Variants in CD2AP observed in about 807,000 individuals in gnomAD.
CD2AP encodes the protein CD2-associated protein.
In CD2AP, 46 loss-of-function variants were observed where a neutral mutation model predicts 85.1. That is an observed-to-expected ratio of 0.54 (90% confidence interval 0.43 to 0.69). The LOEUF (loss-of-function observed/expected upper bound fraction) is 0.69. CD2AP is among the 30% of genes least tolerant of loss of function. The pLI is 0.00. For synonymous variants in CD2AP, 255 were observed against 252.9 expected (o/e 1.01, Z -0.08); for missense variants, 769 against 729.5 (o/e 1.05, Z -0.62).
intron 14 of CD2AP, 98 bp downstream of exon 14, chr6:47,606,375 A>G (rs1769273588): frequency 2.6e-6 from 2 of 763,564 alleles, no homozygotes; most frequent in South Asian, 2.8e-5. Flanking sequence ...TTTGAAAATC[A>G]GGAGGATAGC....
chr6:47,508,534 C>CTTTTTTTTTTTTTTTTTT (rs374284567), intron 2 of CD2AP, among the ~76,000 whole-genome samples: 1 of 129,406 alleles, frequency 7.7e-6, no homozygotes, highest in Non-Finnish European at 1.6e-5. Flanking sequence ...TTCTTTCTTT[C>CTTTTTTTTTTTTTTTTTT]TTTTTTTTTT....
chr6:47,605,943 C>T lies in CD2AP; in HGVS notation c.1418-222C>T, dbSNP rs10223830. Reference sequence around the variant, plus strand: ...ACAACCTTTATAGTGTTAATAAAGTCATATACTAATATAAATGTATCAGGT... The same window carrying T: ...ACAACCTTTATAGTGTTAATAAAGTTATATACTAATATAAATGTATCAGGT... On this transcript the variant is annotated intron_variant, in intron 13 of 17. Coordinates refer to ENST00000359314, the MANE Select transcript of CD2AP (RefSeq NM_012120.3). Among the ~76,000 whole-genome samples the T allele has an allele frequency of 0.03, 4,507 of 151,580 alleles. 209 individuals carry two copies. Among genetic ancestry groups the T allele is most frequent in the African/African-American group, 0.095 (3,939 of 41,418 alleles).
At chr6:47,622,480 C>T (rs990842021) in intron 17 of CD2AP, among the ~76,000 whole-genome samples, 1 of 152,136 alleles carries the variant, frequency 6.6e-6, no homozygotes, top group Non-Finnish European at 1.5e-5. Context: ...GCAGGAATGG[C>T]CTGCTTGGGG....
intron 1 of CD2AP, among the ~76,000 whole-genome samples, chr6:47,485,335 G>C (rs1265900747): frequency 6.6e-6 from 1 of 152,002 alleles, no homozygotes; most frequent in Non-Finnish European, 1.5e-5. Context: ...TGATGATCCT[G>C]ATCTTTGCAG....
At chr6:47,556,924 A>G (rs1469199020) in intron 5 of CD2AP, among the ~76,000 whole-genome samples, 9 of 152,188 alleles carry the variant, frequency 5.9e-5, no homozygotes, top group Non-Finnish European at 8.8e-5. Flanking sequence ...TGGTTGAACT[A>G]ATTTACACTC....
intron 1 of CD2AP, among the ~76,000 whole-genome samples, chr6:47,497,041 T>C (rs1765873724): frequency 6.6e-6 from 1 of 152,188 alleles, no homozygotes; most frequent in Non-Finnish European, 1.5e-5. Flanking sequence ...GCTGTTAACA[T>C]TTCTATTTTG....
At chr6:47,498,514 G>GT (rs1365977917) in intron 1 of CD2AP, among the ~76,000 whole-genome samples, 3 of 152,040 alleles carry the variant, frequency 2.0e-5, no homozygotes, top group East Asian at 1.9e-4. Flanking sequence ...TTAATTCCCC[G>GT]TTTTTTTCTC....
chr6:47,552,172 T>A (rs568484215), intron 4 of CD2AP, among the ~76,000 whole-genome samples: 1 of 151,712 alleles, frequency 6.6e-6, no homozygotes, highest in South Asian at 2.1e-4. Flanking sequence ...CAATAGGTGT[T>A]TGGGGAACAG....
intron 5 of CD2AP, among the ~76,000 whole-genome samples, chr6:47,556,282 T>A (rs1442055206): frequency 6.8e-6 from 1 of 147,862 alleles, no homozygotes; most frequent in African/African-American, 2.5e-5. Context: ...ATGTTCTTAC[T>A]GTTCACCTCC....
At chr6:47,489,979 T>TG (rs1582468907) in intron 1 of CD2AP, among the ~76,000 whole-genome samples, 2 of 150,050 alleles carry the variant, frequency 1.3e-5, no homozygotes, top group East Asian at 3.9e-4. Context: ...TTTTTTTTTT[T>TG]TTTTTTTTTT....
chr6:47,605,823 G>C (rs886408928), intron 13 of CD2AP, among the ~76,000 whole-genome samples: 2 of 151,868 alleles, frequency 1.3e-5, no homozygotes, highest in African/African-American at 4.8e-5. Context: ...ATCTTTGTTA[G>C]GAACTTAAGA....
At chr6:47,569,906 G>A (rs1160283848) in intron 5 of CD2AP, among the ~76,000 whole-genome samples, 2 of 152,106 alleles carry the variant, frequency 1.3e-5, no homozygotes, top group African/African-American at 4.8e-5. Context: ...GAGTTTTGAT[G>A]CCCTTACTGG....
rs1202205653 is a variant in CD2AP at position 47,506,793 on chromosome 6, C to T, written c.165+3353C>T. Among the ~76,000 whole-genome samples, 6 of 133,662 alleles carry T rather than the reference C, an allele frequency of 4.5e-5. No individual in the cohort carries two copies. The East Asian group carries it at 6.7e-4, about 15-fold the overall frequency. The allele number at this position is 133,662 out of a possible 152,430, so 87.7% of individuals were successfully genotyped here. ...GAGGGAGACCGTGGGGAGAGGGAGACGGAGGGAGAGGGAGAGGGAGAGGGA... is the reference window on the plus strand; with the variant it reads ...GAGGGAGACCGTGGGGAGAGGGAGATGGAGGGAGAGGGAGAGGGAGAGGGA... On this transcript the variant is annotated intron_variant, in intron 2 of 17. Transcript: ENST00000359314.
chr6:47,594,480 G>T (rs188160481), intron 11 of CD2AP, among the ~76,000 whole-genome samples: 75 of 151,860 alleles, frequency 4.9e-4, no homozygotes, highest in African/African-American at 1.7e-3. Flanking sequence ...TGTGTATTCT[G>T]TTAAAATAAA....
In CD2AP at chr6:47,609,223, T is replaced by TG; in HGVS notation, c.1734dup (p.Lys579GlufsTer7). ...AAAGCTAAAGTGGAAACAGATGATG[T>TG]GAAAAAAAATTCCCTGGATGAACTT... On this transcript the variant is annotated frameshift_variant, in exon 16 of 18. Transcript: ENST00000359314. LOFTEE classifies it high-confidence loss of function. 1 of 1,613,306 alleles carries TG rather than the reference T, an allele frequency of 6.2e-7. No individual in the cohort carries two copies. The highest frequency in any genetic ancestry group is 8.5e-7 in the Non-Finnish European group (1 of 1,179,454).
intron 17 of CD2AP, among the ~76,000 whole-genome samples, chr6:47,613,151 C>T (rs1027410706): frequency 6.6e-6 from 1 of 152,130 alleles, no homozygotes; most frequent in Non-Finnish European, 1.5e-5. Context: ...GTCTTCAATC[C>T]TCAAAGTCAT....
chr6:47,526,278 T>C (rs968423814), intron 2 of CD2AP, among the ~76,000 whole-genome samples: 1 of 152,118 alleles, frequency 6.6e-6, no homozygotes, highest in Admixed American at 6.6e-5. Context: ...TAGTAAGGGA[T>C]TGTAGCTCGG....
At chr6:47,573,383 T>C (rs2114095038) in intron 5 of CD2AP, among the ~76,000 whole-genome samples, 1 of 152,212 alleles carries the variant, frequency 6.6e-6, no homozygotes, top group East Asian at 1.9e-4. Flanking sequence ...CTAACTTTGA[T>C]TGGATTGAAT....
intron 5 of CD2AP, among the ~76,000 whole-genome samples, chr6:47,556,505 G>A (rs200752323): frequency 5.9e-5 from 9 of 151,702 alleles, no homozygotes; most frequent in Admixed American, 1.3e-4. Flanking sequence ...GTGCCACCAC[G>A]CCCAGCTAAT....
Sources: allele counts gnomAD v4.1 joint callset (sites outside exome capture counted in the v4.1 genomes callset), GRCh38; gene constraint gnomAD v4.1.1; transcripts MANE v1.5; gene names NCBI Gene and HGNC (gene_info 2026-07-23, HGNC 2026-07-21).